Variants in ATP8A2 observed in about 807,000 individuals in gnomAD.
The protein encoded by ATP8A2 is ATPase phospholipid transporting 8A2.
A neutral mutation model predicts 165.6 loss-of-function variants in ATP8A2; 100 were observed. That is an observed-to-expected ratio of 0.60 (90% CI 0.51 to 0.71). ATP8A2 has a LOEUF of 0.71. Among genes scored for constraint, ATP8A2 ranks in the 30% least tolerant of loss-of-function variants. ATP8A2 has a pLI of 0.00. For missense variants in ATP8A2, 1,227 were observed against 1,479.5 expected, an observed-to-expected ratio of 0.83 and a Z score of 2.80; for synonymous variants, 543 against 548.8, an observed-to-expected ratio of 0.99 and a Z score of 0.15.
chr13:25,699,329 G>A lies in ATP8A2; in HGVS notation c.2368G>A (p.Ala790Thr). Reference protein sequence around the residue: ...SFLDLALSCKAVICCRVSPLQ... With the variant: ...SFLDLALSCKTVICCRVSPLQ... ...CCTGGATTTGGCACTCTCGTGCAAA[G>A]CGGTCATATGCTGCAGGTAGGAACC... Residue 790 changes from alanine (A) to threonine (T), a missense_variant, in exon 25 of 37, where the codon GCG (alanine) becomes ACG (threonine). Ala to Thr is a moderately conservative substitution (Grantham distance 58, BLOSUM62 0). Coordinates refer to ENST00000381655, the MANE Select transcript of ATP8A2 (RefSeq NM_016529.6). 1 of 1,612,634 alleles carries A rather than the reference G, an allele frequency of 6.2e-7. No homozygotes were observed. The highest frequency in any genetic ancestry group is 8.5e-7 in the Non-Finnish European group (1 of 1,179,232).
rs923229820 is a variant in ATP8A2, at chr13:25,664,640, G to A, written c.2212-34533G>A. Among the ~76,000 whole-genome samples the A allele has an allele frequency of 5.3e-5, 8 of 152,288 alleles. 1 individual carries two copies. Among genetic ancestry groups the A allele is most frequent in the South Asian group, 2.1e-4 (1 of 4,822 alleles). On this transcript the variant is annotated intron_variant, in intron 24 of 36. Coordinates refer to ENST00000381655, the MANE Select transcript of ATP8A2 (RefSeq NM_016529.6). Reference sequence around the variant, plus strand: ...AGTCTGATGGGTTTGGCTCTGATGGGTCTTGTGCATCCAAAACCAGGTAGC... The same window carrying A: ...AGTCTGATGGGTTTGGCTCTGATGGATCTTGTGCATCCAAAACCAGGTAGC...
In ATP8A2 at chr13:25,442,675, G is replaced by T. The variant is rs78118032; in HGVS notation, c.77-26302G>T. 5.9e-5 allele frequency among the ~76,000 whole-genome samples: 9 copies of T among 152,248 alleles called. No individual in the cohort carries two copies. In the South Asian group the frequency reaches 1.7e-3, roughly 28 times the overall value. The stretch of plus-strand genomic sequence containing the variant: ...GCTCAAGTGATCCTCCAGCCTCGGC[G>T]TCCCAAAGTGCTGCGGGTGTGAGGT... On this transcript the variant is annotated intron_variant, in intron 1 of 36. Coordinates refer to ENST00000381655, the MANE Select transcript of ATP8A2 (RefSeq NM_016529.6).
At chr13:25,796,963 G>A (rs1031293214) in intron 27 of ATP8A2, among the ~76,000 whole-genome samples, 2 of 151,916 alleles carry the variant, frequency 1.3e-5, no homozygotes, top group African/African-American at 4.8e-5. Context: ...GTAATTTATT[G>A]TACATTTAAA....
At chr13:25,396,024 A>G (rs1464074410) in intron 1 of ATP8A2, among the ~76,000 whole-genome samples, 1 of 151,854 alleles carries the variant, frequency 6.6e-6, no homozygotes, top group Non-Finnish European at 1.5e-5. Context: ...TTTTATTTTT[A>G]GTAAAGAGGG....
At chr13:25,469,824 GACT>G (rs1264568506) in intron 2 of ATP8A2, among the ~76,000 whole-genome samples, 1 of 152,156 alleles carries the variant, frequency 6.6e-6, no homozygotes, top group African/African-American at 2.4e-5. Context: ...CAGCCCATCT[GACT>G]ACTAAGGATA....
chr13:25,855,188 T>C (rs1286626482), intron 30 of ATP8A2, among the ~76,000 whole-genome samples: 1 of 151,642 alleles, frequency 6.6e-6, no homozygotes, highest in Non-Finnish European at 1.5e-5. Context: ...GAGGCAGAGA[T>C]TGCAGTGAGC....
chr13:25,759,429 T>C (rs1182183364), intron 25 of ATP8A2, among the ~76,000 whole-genome samples: 1 of 152,186 alleles, frequency 6.6e-6, no homozygotes, highest in Non-Finnish European at 1.5e-5. Flanking sequence ...TCAGCTTTCC[T>C]CTCAGTTCTG....
rs1180262974 is a variant in ATP8A2, at chr13:26,025,001, A to C, written c.*5016A>C. On this transcript the variant is annotated 3_prime_UTR_variant, in exon 37 of 37. Transcript: ENST00000381655. The stretch of plus-strand genomic sequence containing the variant: ...GAAAGAGAAAAGGCCGGAAAGAGGG[A>C]GAGAGCCCAGAGAGCAGGCTGCGAA... 6.6e-6 allele frequency: 1 copy of C among 151,608 alleles called. No homozygotes were observed. Among genetic ancestry groups the C allele is most frequent in the Non-Finnish European group, 1.5e-5 (1 of 67,952 alleles). The allele number at this position is 151,608 out of a possible 1,614,324, so 9.4% of individuals were successfully genotyped here.
chr13:25,379,703 T>C (rs1212744083), intron 1 of ATP8A2, among the ~76,000 whole-genome samples: 5 of 152,250 alleles, frequency 3.3e-5, no homozygotes, highest in Admixed American at 6.5e-5. Flanking sequence ...CTAAGTGGTC[T>C]TCTGGGACTC....
At chr13:25,467,723 T>C (rs1362638798) in intron 1 of ATP8A2, among the ~76,000 whole-genome samples, 1 of 152,130 alleles carries the variant, frequency 6.6e-6, no homozygotes, top group Non-Finnish European at 1.5e-5. Context: ...GGCTAATTTT[T>C]TGTATTTTTA....
chr13:25,376,888 A>T (rs1157360877), intron 1 of ATP8A2, among the ~76,000 whole-genome samples: 1 of 152,184 alleles, frequency 6.6e-6, no homozygotes, highest in Non-Finnish European at 1.5e-5. Context: ...ATAAGCGCTT[A>T]CTCACCAGGA....
chr13:25,731,247 A>G (rs566153219), intron 25 of ATP8A2, among the ~76,000 whole-genome samples: 17 of 134,466 alleles, frequency 1.3e-4, no homozygotes, highest in African/African-American at 4.4e-4. Context: ...AGAGAGAGGA[A>G]GGAAGGAAGG....
chr13:25,538,139 T>C (rs905294031), intron 7 of ATP8A2, 78 bp downstream of exon 7: 27 of 1,014,160 alleles, frequency 2.7e-5, no homozygotes, highest in Admixed American at 1.3e-4. Context: ...TGGGGCAGTC[T>C]TGAGCAGCCT....
At chr13:25,437,952 T>A (rs1045265979) in intron 1 of ATP8A2, among the ~76,000 whole-genome samples, 1 of 152,240 alleles carries the variant, frequency 6.6e-6, no homozygotes, top group Non-Finnish European at 1.5e-5. Flanking sequence ...AAGGCAGCCT[T>A]ATTTATTAAG....
intron 35 of ATP8A2, among the ~76,000 whole-genome samples, chr13:26,011,998 G>A (rs1956858225): frequency 6.6e-6 from 1 of 152,222 alleles, no homozygotes; most frequent in Admixed American, 6.5e-5. Flanking sequence ...CTTCACAGCA[G>A]TGGCAACCTT....
intron 33 of ATP8A2, among the ~76,000 whole-genome samples, chr13:25,919,630 T>C (rs1006616991): frequency 6.6e-6 from 1 of 152,112 alleles, no homozygotes; most frequent in African/African-American, 2.4e-5. Context: ...TACTTCCAGG[T>C]CAGCCCTTAC....
At chr13:25,965,682 T>G (rs1443196280) in intron 34 of ATP8A2, among the ~76,000 whole-genome samples, 1 of 152,186 alleles carries the variant, frequency 6.6e-6, no homozygotes, top group East Asian at 1.9e-4. Flanking sequence ...AATTTGTTAG[T>G]ATTGCTTTAT....
At chr13:25,392,382 T>C (rs1372334066) in intron 1 of ATP8A2, among the ~76,000 whole-genome samples, 1 of 152,206 alleles carries the variant, frequency 6.6e-6, no homozygotes, top group African/African-American at 2.4e-5. Flanking sequence ...TCCTTACCTA[T>C]ATTGTTTTGT....
At position 25,778,307 on chromosome 13, in the gene ATP8A2, A is replaced by G. The variant is rs2044788386; in HGVS notation, c.2679+3348A>G. On this transcript the variant is annotated intron_variant, in intron 27 of 36. Transcript: ENST00000381655. ...CTTACGTATTTTTATTTATACAACA[A>G]CAAGTTATTTGTTGCTGACAAATCT... Among the ~76,000 whole-genome samples the G allele has an allele frequency of 2.6e-5, 4 of 152,248 alleles. No homozygotes were observed. In the South Asian group the frequency reaches 6.2e-4, roughly 24 times the overall value.
Sources: allele counts gnomAD v4.1 joint callset (sites outside exome capture counted in the v4.1 genomes callset), GRCh38; gene constraint gnomAD v4.1.1; transcripts MANE v1.5; gene names NCBI Gene and HGNC (gene_info 2026-07-23, HGNC 2026-07-21).